Variants in PIH1D2 observed in about 807,000 individuals in gnomAD.
The protein encoded by PIH1D2 is PIH1 domain containing 2, also known as PIH1 domain-containing protein 2.
Under a neutral mutation model 31.2 loss-of-function variants are expected in PIH1D2, and 25 were observed. The ratio of observed to expected loss-of-function variants is 0.80; its 90% CI spans 0.58 to 1.12. The LOEUF (loss-of-function observed/expected upper bound fraction) is 1.12. PIH1D2 is among the 50% of genes most tolerant of loss of function. The pLI is 0.00. For missense variants in PIH1D2, 310 were observed against 356.6 expected (o/e 0.87, Z 1.05); for synonymous variants, 116 against 119.9 (o/e 0.97, Z 0.21).
intron 5 of PIH1D2, 55 bp downstream of exon 5, chr11:112,070,381 A>G: frequency 6.4e-7 from 1 of 1,565,162 alleles, no homozygotes; most frequent in African/African-American, 1.4e-5. Flanking sequence ...GTGGCATAAT[A>G]TATGTTAGTG....
chr11:112,072,420 C>A (rs1555184822), intron 2 of PIH1D2, among the ~76,000 whole-genome samples: 1 of 151,090 alleles, frequency 6.6e-6, no homozygotes, highest in East Asian at 2.0e-4. Flanking sequence ...TGGTGATGCC[C>A]ACCTGTGATC....
At chr11:112,066,924 G>A (rs898159115), downstream of PIH1D2, among the ~76,000 whole-genome samples, 1 of 152,092 alleles carries the variant, frequency 6.6e-6, no homozygotes, top group Admixed American at 6.5e-5. Flanking sequence ...CTAGCCAGGC[G>A]TGGTGGCACA....
At chr11:112,055,619 C>T in the PIH1D2 span, among the ~76,000 whole-genome samples, 2 of 152,050 alleles carry the variant, frequency 1.3e-5, no homozygotes, top group Non-Finnish European at 2.9e-5. Context: ...TGTTACTGAA[C>T]ATACCTTTCA....
At chr11:112,070,173 T>G in intron 5 of PIH1D2, 1 of 585,946 alleles carries the variant, frequency 1.7e-6, no homozygotes. Context: ...GTGACTTACT[T>G]TGGCCAGTGG....
downstream of PIH1D2, among the ~76,000 whole-genome samples, chr11:112,067,556 T>C (rs1864961211): frequency 6.9e-6 from 1 of 145,822 alleles, no homozygotes; most frequent in Non-Finnish European, 1.5e-5. Context: ...TCCCAGCTAC[T>C]CGGGAGGCTG....
downstream of PIH1D2, chr11:112,061,285 C>A: frequency 8.9e-7 from 1 of 1,126,632 alleles, no homozygotes; most frequent in Non-Finnish European, 1.3e-6. Flanking sequence ...ATATCGTGAT[C>A]CACAATGCTC....
chr11:112,056,616 A>C, the PIH1D2 span, among the ~76,000 whole-genome samples: 2 of 149,942 alleles, frequency 1.3e-5, no homozygotes, highest in Non-Finnish European at 3.0e-5. Context: ...GCTATTATGA[A>C]TGATGCTACT....
chr11:112,058,585 T>G (rs1270848999), downstream of PIH1D2, among the ~76,000 whole-genome samples: 2 of 109,882 alleles, frequency 1.8e-5, no homozygotes, highest in Non-Finnish European at 3.4e-5. Flanking sequence ...CATGAATCCA[T>G]GAGCTTGTGA....
downstream of PIH1D2, among the ~76,000 whole-genome samples, chr11:112,065,247 A>G (rs1342697806): frequency 6.6e-6 from 1 of 152,184 alleles, no homozygotes; most frequent in African/African-American, 2.4e-5. Context: ...TGTTTTTTGT[A>G]GGGAGGGGAA....
At chr11:112,059,217 G>C (rs973754000), downstream of PIH1D2, among the ~76,000 whole-genome samples, 1 of 151,960 alleles carries the variant, frequency 6.6e-6, no homozygotes. Context: ...GCCAATGTAC[G>C]TCCACTCAAA....
In PIH1D2 at chr11:112,067,966, G is replaced by A. The variant is rs782581362; in HGVS notation, c.853C>T (p.His285Tyr). ...TCAATAAGTTTTGGAAGATTCAGATGTAATCTGTACTTCTCAGATACTTCA... is the reference window on the plus strand; with the variant it reads ...TCAATAAGTTTTGGAAGATTCAGATATAATCTGTACTTCTCAGATACTTCA... Reference protein sequence around the residue: ...LIEVSEKYRLHLNLPKLIDTE... With the variant: ...LIEVSEKYRLYLNLPKLIDTE... The change falls in exon 6 of 6, where the codon CAT (histidine) becomes TAT (tyrosine). Residue 285 changes from histidine to tyrosine, a missense_variant. Transcript: ENST00000280350. 5.0e-6 allele frequency: 8 copies of A among 1,604,886 alleles called. No homozygotes were observed. Among genetic ancestry groups the A allele is most frequent in the Non-Finnish European group, 6.8e-6 (8 of 1,172,474 alleles).
chr11:112,069,017 G>C (rs1865029610), intron 5 of PIH1D2, among the ~76,000 whole-genome samples: 1 of 139,194 alleles, frequency 7.2e-6, no homozygotes, highest in Non-Finnish European at 1.5e-5. Context: ...TTTTTGAGGG[G>C]AGACAGAGTC....
the PIH1D2 span, among the ~76,000 whole-genome samples, chr11:112,055,190 G>C: frequency 3.3e-3 from 496 of 150,780 alleles, 8 homozygotes; most frequent in African/African-American, 0.012. Flanking sequence ...GGCAGAAATG[G>C]CTTGCTTAAG....
At chr11:112,059,528 C>A (rs1322336177), downstream of PIH1D2, among the ~76,000 whole-genome samples, 1 of 151,890 alleles carries the variant, frequency 6.6e-6, no homozygotes, top group Non-Finnish European at 1.5e-5. Flanking sequence ...GAGTAGCTGG[C>A]ACTACAGCTG....
chr11:112,061,341 A>T, downstream of PIH1D2: 1 of 687,240 alleles, frequency 1.5e-6, no homozygotes, highest in Middle Eastern at 2.6e-4. Flanking sequence ...TAACCTACAC[A>T]CATTATTCTG....
At chr11:112,052,687 G>A in the PIH1D2 span, among the ~76,000 whole-genome samples, 46 of 152,082 alleles carry the variant, frequency 3.0e-4, no homozygotes, top group African/African-American at 9.6e-4. Context: ...AATAGAGGGG[G>A]CTGGGGAGAA....
chr11:112,054,472 T>G, the PIH1D2 span, among the ~76,000 whole-genome samples: 1 of 152,186 alleles, frequency 6.6e-6, no homozygotes, highest in African/African-American at 2.4e-5. Context: ...CTAATTGATT[T>G]TAATAATTGC....
the PIH1D2 span, among the ~76,000 whole-genome samples, chr11:112,054,168 T>A: frequency 2.0e-5 from 3 of 148,340 alleles, no homozygotes; most frequent in South Asian, 4.2e-4. Context: ...AAAAAAAAAA[T>A]AGCTAGGTAT....
chr11:112,066,507 G>A (rs1864931970), downstream of PIH1D2, among the ~76,000 whole-genome samples: 1 of 151,330 alleles, frequency 6.6e-6, no homozygotes, highest in South Asian at 2.1e-4. Flanking sequence ...GGGCGGTTGC[G>A]GGCGCCTGTA....
Sources: allele counts gnomAD v4.1 joint callset (sites outside exome capture counted in the v4.1 genomes callset), GRCh38; gene constraint gnomAD v4.1.1; transcripts MANE v1.5; gene names NCBI Gene and HGNC (gene_info 2026-07-23, HGNC 2026-07-21).